Variants in ACSM3 observed in about 807,000 individuals in gnomAD.
The protein encoded by ACSM3 is acyl-coenzyme A synthetase ACSM3, mitochondrial.
A neutral mutation model predicts 74.1 loss-of-function variants in ACSM3; 61 were observed. The ratio of observed to expected loss-of-function variants is 0.82; its 90% confidence interval spans 0.67 to 1.02. ACSM3 has a LOEUF of 1.02. Among genes scored for constraint, ACSM3 ranks in the 50% least tolerant of loss-of-function variants. The pLI, the probability that ACSM3 is intolerant of heterozygous loss-of-function variation, is 0.00. For missense variants in ACSM3, 660 were observed against 697.0 expected (o/e 0.95, Z 0.60); for synonymous variants, 213 against 241.5 (o/e 0.88, Z 1.09).
At chr16:20,767,093 C>G (rs1265549562) in intron 1 of ACSM3, among the ~76,000 whole-genome samples, 1 of 150,380 alleles carries the variant, frequency 6.6e-6, no homozygotes, top group South Asian at 2.1e-4. Context: ...AGATATTATG[C>G]GAAAAAAAAT....
At chr16:20,719,278 C>T (rs1044910647) in intron 1 of ACSM3, 2 of 232,450 alleles carry the variant, frequency 8.6e-6, no homozygotes, top group South Asian at 8.3e-5. Context: ...GTGTCTGACA[C>T]AGGCTGGGTC....
Position 20,771,050 on chromosome 16 carries a change from C to T in ACSM3, c.219+797C>T, listed in dbSNP as rs1316818266. 5.3e-5 allele frequency among the ~76,000 whole-genome samples: 8 copies of T among 152,186 alleles called. No individual in the cohort carries two copies. In the South Asian group the frequency reaches 1.0e-3, roughly 20 times the overall value. ...CTTTCTATGCTCCTCTCCCCACTAC[C>T]GTTCCTAGCCTCTAATAGCCACAAT... On this transcript the variant is annotated intron_variant, in intron 2 of 13. Transcript: ENST00000289416.
intron 1 of ACSM3, chr16:20,690,953 AGGCC>A: frequency 6.4e-7 from 1 of 1,568,740 alleles, no homozygotes; most frequent in Non-Finnish European, 8.6e-7. Flanking sequence ...AAGGAAAGTG[AGGCC>A]ACCCTTGTTC....
At chr16:20,789,770 G>A (rs914386043) in intron 9 of ACSM3, among the ~76,000 whole-genome samples, 9 of 151,074 alleles carry the variant, frequency 6.0e-5, no homozygotes, top group African/African-American at 2.2e-4. Flanking sequence ...CCCATCCCGG[G>A]TTCAAGCAAT....
chr16:20,746,196 T>C (rs933890497), intron 1 of ACSM3, among the ~76,000 whole-genome samples: 1 of 151,964 alleles, frequency 6.6e-6, no homozygotes, highest in Non-Finnish European at 1.5e-5. Flanking sequence ...AGATCAGTCA[T>C]GACAAGTGCT....
At chr16:20,718,416 C>T in intron 1 of ACSM3, 1 of 806,522 alleles carries the variant, frequency 1.2e-6, no homozygotes, top group Non-Finnish European at 1.7e-6. Context: ...TTTATTTCAC[C>T]AGTGGGACGA....
intron 4 of ACSM3, 21 bp downstream of exon 4, chr16:20,777,601 T>TA (rs758393144): frequency 1.1e-5 from 17 of 1,589,650 alleles, no homozygotes; most frequent in Middle Eastern, 3.3e-4. Context: ...ACACTTGTTG[T>TA]AAAACAGCTT....
rs200081769 is a variant in ACSM3, at chr16:20,770,044, C to T, written c.10C>T (p.Arg4Cys). ...GCTTCCAACAAGACTGATGCTAGCT[C>T]GTGTCACCAGGAAGATGCTACGTCA... MLA[R>C]VTRKMLRHAK... Residue 4 changes from arginine to cysteine, a missense_variant, in exon 2 of 14, where the codon CGT (arginine) becomes TGT (cysteine). Arg to Cys is a radical substitution (Grantham distance 180). Transcript: ENST00000289416. 131 of 1,614,008 alleles carry T rather than the reference C, an allele frequency of 8.1e-5. No homozygotes were observed. Among genetic ancestry groups the T allele is most frequent in the Non-Finnish European group, 1.1e-4 (127 of 1,180,022 alleles).
rs552683473 is a variant in ACSM3 at position 20,707,239 on chromosome 16, G to A, written c.-190+32417G>A. ...CTCAACTCCAACTTAGCTACAGATC[G>A]AGAGCATGGCTGCCTGCCCAGGGAC... On this transcript the variant is annotated intron_variant, in intron 1 of 3. Coordinates refer to the ACSM3 transcript ENST00000561584. Among the ~76,000 whole-genome samples, 33 of 152,256 alleles carry A rather than the reference G, an allele frequency of 2.2e-4. No individual in the cohort carries two copies. The South Asian group carries it at 3.7e-3, about 17-fold the overall frequency.
intron 9 of ACSM3, among the ~76,000 whole-genome samples, chr16:20,787,532 T>A (rs1282851153): frequency 6.6e-6 from 1 of 152,218 alleles, no homozygotes; most frequent in African/African-American, 2.4e-5. Context: ...ATTCAATAGA[T>A]TTGGAGTGGA....
intron 1 of ACSM3, among the ~76,000 whole-genome samples, chr16:20,720,080 G>A (rs1296376381): frequency 2.0e-5 from 3 of 152,172 alleles, no homozygotes; most frequent in African/African-American, 4.8e-5. Context: ...GGCCTGACAC[G>A]GTGGTTTAAG....
chr16:20,716,433 T>C (rs2079762071), intron 1 of ACSM3, among the ~76,000 whole-genome samples: 2 of 152,070 alleles, frequency 1.3e-5, no homozygotes, highest in African/African-American at 4.8e-5. Flanking sequence ...TCTAAGCCCA[T>C]GGCATAAAAC....
intron 1 of ACSM3, chr16:20,721,220 G>A (rs755137688): frequency 3.3e-5 from 5 of 152,204 alleles, no homozygotes; most frequent in Non-Finnish European, 5.9e-5. Context: ...TTTTTCGGAT[G>A]TCTTGTTCAT....
At chr16:20,679,172 C>T (rs1272989773) in intron 1 of ACSM3, 2 of 152,204 alleles carry the variant, frequency 1.3e-5, no homozygotes, top group Admixed American at 1.3e-4. Flanking sequence ...AGGTGTCACA[C>T]CTTGGATTCA....
At chr16:20,705,728 C>G (rs1303736719) in intron 1 of ACSM3, among the ~76,000 whole-genome samples, 1 of 152,048 alleles carries the variant, frequency 6.6e-6, no homozygotes, top group Non-Finnish European at 1.5e-5. Context: ...GGAACACATA[C>G]TCATTTGCAA....
chr16:20,685,587 G>A (rs568933079), intron 1 of ACSM3, among the ~76,000 whole-genome samples: 18 of 151,974 alleles, frequency 1.2e-4, no homozygotes, highest in African/African-American at 4.3e-4. Flanking sequence ...TTTAGGAGGT[G>A]GAGGCAGGTT....
chr16:20,796,050 T>G, intron 12 of ACSM3: 1 of 221,008 alleles, frequency 4.5e-6, no homozygotes, highest in Non-Finnish European at 8.8e-6. Context: ...CAGCCTTGTA[T>G]AAAGACTGCA....
intron 2 of ACSM3, among the ~76,000 whole-genome samples, chr16:20,772,990 G>A (rs921166857): frequency 6.6e-6 from 1 of 151,440 alleles, no homozygotes; most frequent in African/African-American, 2.4e-5. Context: ...AAAAGATTTA[G>A]TGTTAGTTCT....
rs566551743 is a variant in ACSM3 at position 20,792,413 on chromosome 16, C to G, written c.1554+78C>G. ...ACTTACAAACAGTAGCTCAGTGAAA[C>G]AGAATTAACCAAATGATTCATTTAC... On this transcript the variant is annotated intron_variant, in intron 12 of 13. Coordinates refer to ENST00000289416, the MANE Select transcript of ACSM3 (RefSeq NM_005622.4). 4 of 1,577,942 alleles carry G rather than the reference C, an allele frequency of 2.5e-6. No individual in the cohort carries two copies. In the Admixed American group the frequency reaches 6.9e-5, roughly 27 times the overall value.
Sources: gnomAD v4.1 joint callset for allele counts (sites outside exome capture counted in the v4.1 genomes callset) on GRCh38, gnomAD v4.1.1 for gene constraint, MANE v1.5 for transcripts, NCBI Gene and HGNC (gene_info 2026-07-23, HGNC 2026-07-21) for gene names.